SATB2: variants seen among roughly 807,000 people sequenced by gnomAD.
SATB2 encodes DNA-binding protein SATB2.
In SATB2, 1 loss-of-function variant was observed where a neutral mutation model predicts 73.4. That is an observed-to-expected ratio of 0.01 (90% CI 0.00 to 0.06). SATB2 has a LOEUF of 0.06. SATB2 is among the 10% of genes least tolerant of loss of function. The pLI, the probability that SATB2 is intolerant of heterozygous loss-of-function variation, is 1.00. For synonymous variants in SATB2, 397 were observed against 367.0 expected (o/e 1.08, Z -0.93); for missense variants, 459 against 945.8 (o/e 0.49, Z 6.75).
At chr2:199,440,584 C>A (rs866083823) in intron 2 of SATB2, among the ~76,000 whole-genome samples, 7 of 152,228 alleles carry the variant, frequency 4.6e-5, no homozygotes, top group South Asian at 2.1e-4. Context: ...CAAAGGGAGC[C>A]ACCCACAGGT....
intron 7 of SATB2, among the ~76,000 whole-genome samples, chr2:199,336,293 T>C (rs1028011820): frequency 6.6e-6 from 1 of 152,114 alleles, no homozygotes; most frequent in African/African-American, 2.4e-5. Flanking sequence ...TCTGGGCACA[T>C]ACATGGTTTC....
chr2:199,440,856 T>C (rs536108564), intron 2 of SATB2, among the ~76,000 whole-genome samples: 1 of 151,234 alleles, frequency 6.6e-6, no homozygotes, highest in East Asian at 1.9e-4. Context: ...TAATTACTTT[T>C]TTTTTTTTTT....
At chr2:199,283,375 C>T (rs1243000029) in intron 10 of SATB2, among the ~76,000 whole-genome samples, 1 of 151,310 alleles carries the variant, frequency 6.6e-6, no homozygotes. Context: ...CAGGCGTGAG[C>T]TACCACGCCC....
chr2:199,436,333 G>A (rs1274176210), intron 2 of SATB2, among the ~76,000 whole-genome samples: 1 of 151,924 alleles, frequency 6.6e-6, no homozygotes, highest in African/African-American at 2.4e-5. Context: ...AAACATTTTG[G>A]TTCAGTGATT....
intron 5 of SATB2, among the ~76,000 whole-genome samples, chr2:199,377,569 TG>T (rs772619644): frequency 6.6e-6 from 1 of 152,136 alleles, no homozygotes; most frequent in Non-Finnish European, 1.5e-5. Flanking sequence ...TAATTTCATG[TG>T]TTTGGAATAT....
chr2:199,382,005 A>G (rs540320813), intron 3 of SATB2, among the ~76,000 whole-genome samples, 185 bp from the exon 4 acceptor site: 1 of 152,314 alleles, frequency 6.6e-6, no homozygotes, highest in South Asian at 2.1e-4. Flanking sequence ...ATACAGGAAG[A>G]TGGGAAGGAA....
At chr2:199,408,174 C>G (rs1353245131) in intron 3 of SATB2, among the ~76,000 whole-genome samples, 1 of 152,056 alleles carries the variant, frequency 6.6e-6, no homozygotes, top group African/African-American at 2.4e-5. Flanking sequence ...CAACATTTTA[C>G]CAATGATTTG....
intron 3 of SATB2, among the ~76,000 whole-genome samples, chr2:199,411,721 G>T (rs1474985892): frequency 6.6e-6 from 1 of 152,184 alleles, no homozygotes; most frequent in Non-Finnish European, 1.5e-5. Context: ...CATAGGTGTG[G>T]ACAGGACTAG....
intron 3 of SATB2, among the ~76,000 whole-genome samples, chr2:199,388,648 T>TA (rs913089005): frequency 9.2e-5 from 14 of 152,264 alleles, no homozygotes; most frequent in African/African-American, 2.9e-4. Flanking sequence ...CATTAATTTT[T>TA]AAAGCAAAAT....
upstream of SATB2, chr2:199,468,850 A>T (rs1692647298): frequency 2.0e-5 from 3 of 152,240 alleles, no homozygotes; most frequent in Admixed American, 2.0e-4. Flanking sequence ...TGACATTCGC[A>T]ATTATCTGCA....
At chr2:199,392,102 C>T (rs550316184) in intron 3 of SATB2, among the ~76,000 whole-genome samples, 1 of 152,266 alleles carries the variant, frequency 6.6e-6, no homozygotes, top group South Asian at 2.1e-4. Context: ...GAAACAAAAG[C>T]TCCAGGGGTA....
At chr2:199,350,095 C>T (rs776142741) in intron 6 of SATB2, among the ~76,000 whole-genome samples, 1 of 152,056 alleles carries the variant, frequency 6.6e-6, no homozygotes, top group Non-Finnish European at 1.5e-5. Context: ...GTTTTAAATG[C>T]TTATAGGTGT....
At chr2:199,416,034 G>T (rs974305524) in intron 3 of SATB2, among the ~76,000 whole-genome samples, 2 of 152,212 alleles carry the variant, frequency 1.3e-5, no homozygotes, top group African/African-American at 4.8e-5. Context: ...GGCCTCAGCA[G>T]GGGTGAGTAC....
chr2:199,319,000 CTT>C (rs373895474), intron 9 of SATB2, among the ~76,000 whole-genome samples: 23 of 141,226 alleles, frequency 1.6e-4, no homozygotes, highest in Admixed American at 2.1e-4. Flanking sequence ...GAACTTGAAA[CTT>C]TTTTTTTTTT....
At chr2:199,404,451 G>A (rs1372638663) in intron 3 of SATB2, among the ~76,000 whole-genome samples, 1 of 151,966 alleles carries the variant, frequency 6.6e-6, no homozygotes, top group Admixed American at 6.6e-5. Flanking sequence ...AACATACCAC[G>A]GGGAAGAACA....
chr2:199,427,459 G>A (rs2105921373), intron 3 of SATB2, among the ~76,000 whole-genome samples: 1 of 152,158 alleles, frequency 6.6e-6, no homozygotes, highest in Non-Finnish European at 1.5e-5. Context: ...TTTACTGAAT[G>A]TGAAATTAAA....
chr2:199,382,598 A>C (rs1342741321), intron 3 of SATB2, among the ~76,000 whole-genome samples: 1 of 152,206 alleles, frequency 6.6e-6, no homozygotes, highest in African/African-American at 2.4e-5. Flanking sequence ...TGTTAGAGGA[A>C]GATTCATGGG....
chr2:199,272,892 T>A lies in SATB2; in HGVS notation c.1741-220A>T, dbSNP rs140131811. Among the ~76,000 whole-genome samples, 112 of 152,288 alleles carry A rather than the reference T, an allele frequency of 7.4e-4. No individual in the cohort carries two copies. The highest frequency in any genetic ancestry group is 2.6e-3 in the African/African-American group (106 of 41,558). On this transcript the variant is annotated intron_variant, in intron 10 of 10. Transcript: ENST00000417098. The surrounding 1 kb of genome is among the most constrained non-coding windows in gnomAD (Gnocchi z 6.7). The stretch of plus-strand genomic sequence containing the variant: ...CAGTAGTATTTGCCATCATTTATAT[T>A]CTGAGATGCAAAGTCAAGTCATTTA...
At chr2:199,451,697 C>T (rs906905016) in intron 2 of SATB2, among the ~76,000 whole-genome samples, 42 of 152,030 alleles carry the variant, frequency 2.8e-4, no homozygotes, top group African/African-American at 9.2e-4. Flanking sequence ...ACACCTGACC[C>T]GAACTGCATT....
Sources: gnomAD v4.1 joint callset for allele counts (sites outside exome capture counted in the v4.1 genomes callset) on GRCh38, gnomAD v4.1.1 for gene constraint, Gnocchi (gnomAD v3.1) non-coding constraint, MANE v1.5 for transcripts, NCBI Gene and HGNC (gene_info 2026-07-23, HGNC 2026-07-21) for gene names.